The following MLLT6 variants were observed in gnomAD, a reference collection of about 807,000 sequenced individuals.
MLLT6 encodes MLLT6, PHD finger containing, also known as protein AF-17.
MLLT6 carries 22 observed loss-of-function variants against 103.0 expected under a neutral mutation model. The ratio of observed to expected loss-of-function variants is 0.21; its 90% CI spans 0.15 to 0.31. The LOEUF (loss-of-function observed/expected upper bound fraction) is 0.31, where lower values mean the gene tolerates loss of function less well. Ranked by LOEUF, MLLT6 falls within the 10% of genes least tolerant of loss-of-function variation. MLLT6 has a pLI of 1.00. For synonymous variants in MLLT6, 606 were observed against 623.5 expected (o/e 0.97, Z 0.42); for missense variants, 1,199 against 1,441.7 (o/e 0.83, Z 2.73).
chr17:38,711,904 A>C lies in MLLT6; in HGVS notation c.610A>C (p.Ser204Arg). Residue 204 changes from serine to arginine, a missense_variant, in exon 7 of 20, where the codon AGC becomes CGC. Ser to Arg is a moderately radical substitution (Grantham distance 110). This residue lies in a region of MLLT6 where 1,034 missense variants were observed against 1,091.5 expected (regional missense o/e 0.95). Transcript: ENST00000621332. Reference protein sequence around the residue: ...GGGGAGGGGGSMGGGGSGFIS... With the variant: ...GGGGAGGGGGRMGGGGSGFIS... ...AGGAGGCGCTGGAGGAGGAGGTGGC[A>C]GCATGGGGGGAGGTGGCAGTGGTTT... 1 of 1,607,066 alleles carries C rather than the reference A, an allele frequency of 6.2e-7. No individual in the cohort carries two copies. Among genetic ancestry groups the C allele is most frequent in the Non-Finnish European group, 8.5e-7 (1 of 1,176,314 alleles).
At chr17:38,721,062 G>A (rs1005864754) in intron 16 of MLLT6, 6 of 468,750 alleles carry the variant, frequency 1.3e-5, no homozygotes, top group South Asian at 2.4e-5. Flanking sequence ...GAGAGAGAAC[G>A]GGGGAGGGCT....
intron 8 of MLLT6, chr17:38,715,400 C>T (rs1266998212): frequency 7.6e-6 from 5 of 659,816 alleles, no homozygotes; most frequent in Non-Finnish European, 1.2e-5. Flanking sequence ...CAGTGAATTC[C>T]CCTCTGCCTT....
In MLLT6 at chr17:38,727,091, G is replaced by A. The variant is rs1178211550; in HGVS notation, c.*1493G>A. ...GCCTTGTCAGTCTCTTTGCATGTGT[G>A]GATTTTTCTGTGTGTGTTTCTGTTT... On this transcript the variant is annotated 3_prime_UTR_variant, in exon 20 of 20. Coordinates refer to ENST00000621332, the MANE Select transcript of MLLT6 (RefSeq NM_005937.4). 1 of 232,898 alleles carries A rather than the reference G, an allele frequency of 4.3e-6. No individual in the cohort carries two copies. The highest frequency in any genetic ancestry group is 8.5e-6 in the Non-Finnish European group (1 of 117,928). The allele number at this position is 232,898 out of a possible 1,614,324, so 14.4% of individuals were successfully genotyped here.
At position 38,716,345 on chromosome 17, in the gene MLLT6, A is replaced by G; in HGVS notation, c.1037-22A>G. The G allele has an allele frequency of 6.3e-7, 1 of 1,595,292 alleles. No homozygotes were observed. Among genetic ancestry groups the G allele is most frequent in the South Asian group, 1.1e-5 (1 of 88,144 alleles). ...TGCGGGGATCTGGGGTCCAGCTGTAACTGTTTCCCCTCTGTGCACAGTCTC... is the reference window on the plus strand; with the variant it reads ...TGCGGGGATCTGGGGTCCAGCTGTAGCTGTTTCCCCTCTGTGCACAGTCTC... On this transcript the variant is annotated intron_variant, in intron 9 of 19. Transcript: ENST00000621332. The surrounding 1 kb of genome is among the most constrained non-coding windows in gnomAD (Gnocchi z 5.6).
intron 1 of MLLT6, 131 bp from the exon 2 acceptor site, chr17:38,706,819 C>T (rs887294726): frequency 3.0e-6 from 2 of 670,458 alleles, no homozygotes; most frequent in Non-Finnish European, 5.1e-6. Flanking sequence ...GTGAGTGACC[C>T]GTAGACTGGG....
At position 38,717,913 on chromosome 17, in the gene MLLT6, C is replaced by T. The variant is rs200175117; in HGVS notation, c.1902C>T (p.Ala634=). Residue 634 remains alanine, a synonymous_variant, in exon 12 of 20, where the codon GCC becomes GCT. Transcript: ENST00000621332. The stretch of plus-strand genomic sequence containing the variant: ...ACATCTTTGGAACCCCCATGGGTGC[C>T]GTTAATCCCCTCCTCTCCCAAGCTG... ...STHIFGTPMG[A]VNPLLSQAES... is the part of the protein sequence containing the mutation. The T allele has an allele frequency of 1.2e-6, 2 of 1,613,794 alleles. No homozygotes were observed. Among genetic ancestry groups the T allele is most frequent in the African/African-American group, 2.7e-5 (2 of 75,030 alleles).
In MLLT6 at chr17:38,727,130, T is replaced by A. The variant is rs986443189; in HGVS notation, c.*1532T>A. ...GTGTTTCTGTTTGGGTTTTTGTTGT[T>A]GGGTTTTTTTTTTTTTTTTAATAAA... On this transcript the variant is annotated 3_prime_UTR_variant, in exon 20 of 20. Coordinates refer to ENST00000621332, the MANE Select transcript of MLLT6 (RefSeq NM_005937.4). The A allele has an allele frequency of 4.3e-6, 1 of 231,902 alleles. No homozygotes were observed. Among genetic ancestry groups the A allele is most frequent in the African/African-American group, 2.2e-5 (1 of 45,024 alleles). 14.4% of individuals were successfully genotyped at this position (231,902 alleles called of 1,614,324 possible). A position where few individuals can be genotyped will look rare whatever the true frequency, so the allele number is the denominator to read the frequency against.
At position 38,705,384 on chromosome 17, in the gene MLLT6, G is replaced by T. The variant is rs992865052; in HGVS notation, c.-249G>T. On this transcript the variant is annotated 5_prime_UTR_variant, in exon 1 of 20. Coordinates refer to ENST00000621332, the MANE Select transcript of MLLT6 (RefSeq NM_005937.4). The stretch of plus-strand genomic sequence containing the variant: ...CCCGGCGTGCGAGTCTCATTGTTGT[G>T]GGGGGGGCCCGTCGGGGCATGAGGG... 1.6e-3 allele frequency among the ~76,000 whole-genome samples: 178 copies of T among 113,484 alleles called. No homozygotes were observed. Among genetic ancestry groups the T allele is most frequent in the Non-Finnish European group, 3.5e-3 (154 of 44,460 alleles). The allele number at this position is 113,484 out of a possible 152,430, so 74.4% of individuals were successfully genotyped here. A position where few individuals can be genotyped will look rare whatever the true frequency, so the allele number is the denominator to read the frequency against.
intron 1 of MLLT6, chr17:38,706,251 G>A (rs1227621043): frequency 6.6e-6 from 1 of 152,366 alleles, no homozygotes; most frequent in African/African-American, 2.4e-5. Flanking sequence ...TTGTGCAGGG[G>A]GCCGGAATCG....
At chr17:38,713,015 A>G in intron 8 of MLLT6, 2 of 777,216 alleles carry the variant, frequency 2.6e-6, no homozygotes, top group South Asian at 2.7e-5. Flanking sequence ...GCTGTCTGCC[A>G]GATACTCCCA....
chr17:38,716,333 G>A lies in MLLT6; in HGVS notation c.1037-34G>A, dbSNP rs1380727579. 3.2e-6 allele frequency: 5 copies of A among 1,586,234 alleles called. No individual in the cohort carries two copies. Among genetic ancestry groups the A allele is most frequent in the African/African-American group, 1.4e-5 (1 of 73,046 alleles). ...AGTGGGAGGGAGTGCGGGGATCTGG[G>A]GTCCAGCTGTAACTGTTTCCCCTCT... On this transcript the variant is annotated intron_variant, in intron 9 of 19. Transcript: ENST00000621332. This position sits in a 1 kb window ranked among gnomAD's most constrained non-coding sequence, Gnocchi z 5.6.
At position 38,719,543 on chromosome 17, in the gene MLLT6, C is replaced by T; in HGVS notation, c.1969C>T (p.Arg657Trp). The T allele has an allele frequency of 1.2e-6, 2 of 1,611,586 alleles. No individual in the cohort carries two copies. Among genetic ancestry groups the T allele is most frequent in the Non-Finnish European group, 8.5e-7 (1 of 1,179,144 alleles). Residue 657 changes from arginine to tryptophan, a missense_variant, in exon 13 of 20, where the codon CGG becomes TGG. Arg to Trp is a moderately radical substitution (Grantham distance 101). Coordinates refer to ENST00000621332, the MANE Select transcript of MLLT6 (RefSeq NM_005937.4). ...GCCAGACCTGGAGGACTGCAGCTTC[C>T]GGTGTCGGGGGACCTCCCCTCAGGA... Reference protein sequence around the residue: ...TEPDLEDCSFRCRGTSPQESL... With the variant: ...TEPDLEDCSFWCRGTSPQESL...
chr17:38,719,765 C>A lies in MLLT6; in HGVS notation c.2025C>A (p.Ser675Arg), dbSNP rs976571314. 2 of 1,610,208 alleles carry A rather than the reference C, an allele frequency of 1.2e-6. No homozygotes were observed. The highest frequency in any genetic ancestry group is 3.4e-5 in the Admixed American group (2 of 59,654). The change falls in exon 14 of 20, where the codon AGC (serine) becomes AGA (arginine). Residue 675 changes from serine (S) to arginine (R), a missense_variant. By Grantham distance (110) the Ser-to-Arg change is moderately radical. This residue lies in a region of MLLT6 where 1,034 missense variants were observed against 1,091.5 expected (regional missense o/e 0.95). Coordinates refer to ENST00000621332, the MANE Select transcript of MLLT6 (RefSeq NM_005937.4). Reference sequence around the variant, plus strand: ...CTGGCCGCAGGTCCCCCATCAGCAGCCTCCCCGCACTCTTCGACCAGACAG... The same window carrying A: ...CTGGCCGCAGGTCCCCCATCAGCAGACTCCCCGCACTCTTCGACCAGACAG... ...ESLSSMSPIS[S>R]LPALFDQTAS... is the part of the protein sequence containing the mutation.
rs1031065239 is a variant in MLLT6 at position 38,728,898 on chromosome 17, T to C, written c.*3300T>C. ...CCATGGACAATGACACTTTAAGGATTGTCTTGGTTTGTTTTTCCTATTTGT... is the reference window on the plus strand; with the variant it reads ...CCATGGACAATGACACTTTAAGGATCGTCTTGGTTTGTTTTTCCTATTTGT... On this transcript the variant is annotated 3_prime_UTR_variant, in exon 20 of 20. Transcript: ENST00000621332. The C allele has an allele frequency of 8.6e-6, 2 of 233,744 alleles. No individual in the cohort carries two copies. Among genetic ancestry groups the C allele is most frequent in the Non-Finnish European group, 1.7e-5 (2 of 118,144 alleles). The allele number at this position is 233,744 out of a possible 1,614,324, so 14.5% of individuals were successfully genotyped here.
chr17:38,721,049 T>C (rs1905704779), intron 16 of MLLT6: 1 of 499,092 alleles, frequency 2.0e-6, no homozygotes, highest in African/African-American at 2.0e-5. Context: ...TTGAGGGCTG[T>C]GAGAGAGAGA....
intron 12 of MLLT6, 92 bp downstream of exon 12, chr17:38,718,045 C>A: frequency 1.1e-6 from 1 of 890,918 alleles, no homozygotes; most frequent in Non-Finnish European, 1.8e-6. Flanking sequence ...GGAGAGCTTT[C>A]TGGCTGCCCC....
At position 38,719,882 on chromosome 17, in the gene MLLT6, G is replaced by A. The variant is rs1189054041; in HGVS notation, c.2142G>A (p.Glu714=). ...EQLLEKQGDG[E]AGVNIVEMLK... ...TTCTGGAGAAGCAGGGCGACGGGGA[G>A]GCCGGCGTCAACAGTGAGGAGGGGT... Residue 714 remains glutamate, a synonymous_variant, in exon 14 of 20, where the codon GAG becomes GAA. Transcript: ENST00000621332. 1.9e-6 allele frequency: 3 copies of A among 1,585,788 alleles called. No homozygotes were observed. Among genetic ancestry groups the A allele is most frequent in the Non-Finnish European group, 2.6e-6 (3 of 1,166,750 alleles).
Position 38,721,851 on chromosome 17 carries a change from ACCCCTCCCTTC to A in MLLT6, c.2443-17_2443-7del. ...CCAGAAAAGTCATGCTGGCCCTCTG[ACCCCTCCCTTC>A]CCCCTCCCTCCCCAGGACCCACACT... On this transcript the variant is annotated splice_polypyrimidine_tract_variant and intron_variant, in intron 16 of 19. Transcript: ENST00000621332. 1.4e-6 allele frequency: 2 copies of A among 1,471,994 alleles called. No individual in the cohort carries two copies. Among genetic ancestry groups the A allele is most frequent in the Non-Finnish European group, 1.8e-6 (2 of 1,093,452 alleles). The allele number at this position is 1,471,994 out of a possible 1,614,324, so 91.2% of individuals were successfully genotyped here. A position where few individuals can be genotyped will look rare whatever the true frequency, so the allele number is the denominator to read the frequency against.
At chr17:38,725,102 C>T in intron 19 of MLLT6, 126 bp downstream of exon 19, 1 of 688,246 alleles carries the variant, frequency 1.5e-6, no homozygotes. Flanking sequence ...AGCAAAGTAC[C>T]CTGCCTCAGA....
Sources: gnomAD v4.1 joint callset for allele counts (sites outside exome capture counted in the v4.1 genomes callset) on GRCh38, gnomAD v4.1.1 for gene constraint, gnomAD v4.1.1 regional missense constraint, Gnocchi (gnomAD v3.1) non-coding constraint, MANE v1.5 for transcripts, NCBI Gene and HGNC (gene_info 2026-07-23, HGNC 2026-07-21) for gene names.